SLC4A10: variants seen among roughly 807,000 people sequenced by gnomAD.
SLC4A10 encodes sodium-driven chloride bicarbonate exchanger.
Under a neutral mutation model 137.7 loss-of-function variants are expected in SLC4A10, and 42 were observed. The observed-to-expected ratio is 0.30, with a 90% confidence interval of 0.24 to 0.39. The LOEUF is 0.39. SLC4A10 is among the 10% of genes least tolerant of loss of function. SLC4A10 has a pLI of 1.00. For missense variants in SLC4A10, 925 were observed against 1,355.0 expected (o/e 0.68, Z 4.98); for synonymous variants, 474 against 464.1 (o/e 1.02, Z -0.27).
In SLC4A10 at chr2:161,631,015, C is replaced by A. The variant is rs558562189; in HGVS notation, c.48+6449C>A. The stretch of plus-strand genomic sequence containing the variant: ...AATAAAATATGAAAGTACTCTGATA[C>A]AAGGTGCTATAAAATGTCAGGTCTT... On this transcript the variant is annotated intron_variant, in intron 1 of 26. Coordinates refer to ENST00000446997, the MANE Select transcript of SLC4A10 (RefSeq NM_001178015.2). 4.0e-5 allele frequency among the ~76,000 whole-genome samples: 6 copies of A among 151,816 alleles called. No homozygotes were observed. In the South Asian group the frequency reaches 1.2e-3, roughly 31 times the overall value.
At chr2:161,644,492 A>AAAC (rs56167454) in intron 1 of SLC4A10, among the ~76,000 whole-genome samples, 4 of 151,818 alleles carry the variant, frequency 2.6e-5, no homozygotes, top group African/African-American at 7.3e-5. Context: ...TCAAAAACAA[A>AAAC]AAACTAGTAA....
chr2:161,925,443 T>C (rs1688895079), intron 15 of SLC4A10, among the ~76,000 whole-genome samples: 1 of 152,170 alleles, frequency 6.6e-6, no homozygotes, highest in Non-Finnish European at 1.5e-5. Context: ...CATCTCTCTT[T>C]TCTTCTTTAT....
At chr2:161,650,861 C>T (rs1431442772) in intron 1 of SLC4A10, among the ~76,000 whole-genome samples, 1 of 152,162 alleles carries the variant, frequency 6.6e-6, no homozygotes, top group Non-Finnish European at 1.5e-5. Flanking sequence ...TCAGCAGGAA[C>T]AGCCTGGGCG....
At chr2:161,670,806 C>T (rs1443672975) in intron 1 of SLC4A10, among the ~76,000 whole-genome samples, 1 of 152,012 alleles carries the variant, frequency 6.6e-6, no homozygotes, top group African/African-American at 2.4e-5. Context: ...TTCCTGTAGT[C>T]AGGAAATTAA....
chr2:161,879,049 A>G, intron 8 of SLC4A10, 82 bp from the exon 9 acceptor site: 1 of 1,207,436 alleles, frequency 8.3e-7, no homozygotes, highest in African/African-American at 1.5e-5. Flanking sequence ...ATGGATTACT[A>G]TATGTGAAGC....
At chr2:161,732,358 G>C (rs1241492138) in intron 1 of SLC4A10, among the ~76,000 whole-genome samples, 1 of 152,168 alleles carries the variant, frequency 6.6e-6, no homozygotes, top group African/African-American at 2.4e-5. Flanking sequence ...CATACAAAAA[G>C]ATTCCCCATT....
intron 1 of SLC4A10, among the ~76,000 whole-genome samples, chr2:161,737,192 A>C (rs1269410230): frequency 1.3e-5 from 2 of 152,170 alleles, no homozygotes; most frequent in African/African-American, 4.8e-5. Context: ...TTTTTTACAA[A>C]AGGGTTTTCA....
chr2:161,786,250 CT>C (rs1479652382), intron 2 of SLC4A10, among the ~76,000 whole-genome samples: 1 of 151,504 alleles, frequency 6.6e-6, no homozygotes, highest in Non-Finnish European at 1.5e-5. Flanking sequence ...AACCTATGCT[CT>C]TTTTTGTTTT....
intron 1 of SLC4A10, among the ~76,000 whole-genome samples, chr2:161,718,356 T>C (rs749964339): frequency 1.3e-5 from 2 of 152,152 alleles, no homozygotes; most frequent in African/African-American, 2.4e-5. Context: ...TTGTTTGCTC[T>C]TGGTTCTCTG....
intron 4 of SLC4A10, among the ~76,000 whole-genome samples, chr2:161,850,624 T>C (rs1287436962): frequency 6.6e-6 from 1 of 152,116 alleles, no homozygotes; most frequent in Non-Finnish European, 1.5e-5. Context: ...GTATAGCTAA[T>C]AGTATATCAA....
rs577755183 is a variant in SLC4A10 at position 161,861,125 on chromosome 2, CA to C, written c.578-1744del. 5.9e-5 allele frequency among the ~76,000 whole-genome samples: 9 copies of C among 152,196 alleles called. No individual in the cohort carries two copies. In the South Asian group the frequency reaches 1.2e-3, roughly 21 times the overall value. On this transcript the variant is annotated intron_variant, in intron 5 of 26. Coordinates refer to ENST00000446997, the MANE Select transcript of SLC4A10 (RefSeq NM_001178015.2). Reference sequence around the variant, plus strand: ...AAAATATTTGTTATCTGGCTCTGGACAAAAAGAGCTTGTCTTTCTCTGGTTT... The same window carrying C: ...AAAATATTTGTTATCTGGCTCTGGACAAAAGAGCTTGTCTTTCTCTGGTTT...
At chr2:161,962,163 T>A (rs1696837253) in intron 21 of SLC4A10, among the ~76,000 whole-genome samples, 1 of 152,216 alleles carries the variant, frequency 6.6e-6, no homozygotes, top group African/African-American at 2.4e-5. Flanking sequence ...TGTTTGGCAA[T>A]ATTAAGAAAC....
chr2:161,744,490 T>C (rs2048217034), intron 1 of SLC4A10, among the ~76,000 whole-genome samples: 1 of 152,166 alleles, frequency 6.6e-6, no homozygotes, highest in Non-Finnish European at 1.5e-5. Context: ...TACCAATTGG[T>C]CATGATGGAT....
intron 15 of SLC4A10, among the ~76,000 whole-genome samples, chr2:161,917,962 A>G (rs1055767225): frequency 1.3e-5 from 2 of 152,202 alleles, no homozygotes; most frequent in African/African-American, 2.4e-5. Context: ...TGCTTGCCCA[A>G]GTGAAAGAGC....
At chr2:161,970,002 T>C (rs1698241111) in intron 23 of SLC4A10, among the ~76,000 whole-genome samples, 2 of 152,174 alleles carry the variant, frequency 1.3e-5, no homozygotes. Flanking sequence ...CCTGGCAACC[T>C]AGAATGCAAA....
chr2:161,819,652 A>T (rs902700542), intron 3 of SLC4A10, among the ~76,000 whole-genome samples: 1 of 151,818 alleles, frequency 6.6e-6, no homozygotes, highest in African/African-American at 2.4e-5. Flanking sequence ...CTGCCACCAC[A>T]GCCAGCTAAT....
At chr2:161,744,376 G>A (rs551882911) in intron 1 of SLC4A10, among the ~76,000 whole-genome samples, 5 of 152,110 alleles carry the variant, frequency 3.3e-5, no homozygotes, top group African/African-American at 7.2e-5. Context: ...TTTCAGTATC[G>A]ATTGAAATGA....
At chr2:161,843,794 C>T (rs1012271803) in intron 4 of SLC4A10, among the ~76,000 whole-genome samples, 2 of 152,210 alleles carry the variant, frequency 1.3e-5, no homozygotes, top group South Asian at 4.1e-4. Flanking sequence ...TAATTTTCTA[C>T]CCTCACAGCA....
At chr2:161,791,041 T>C (rs1249000682) in intron 2 of SLC4A10, among the ~76,000 whole-genome samples, 1 of 152,172 alleles carries the variant, frequency 6.6e-6, no homozygotes, top group African/African-American at 2.4e-5. Flanking sequence ...GTTCAACCAT[T>C]GTGGAAGACA....
Sources: gnomAD v4.1 joint callset for allele counts (sites outside exome capture counted in the v4.1 genomes callset) on GRCh38, gnomAD v4.1.1 for gene constraint, MANE v1.5 for transcripts, NCBI Gene and HGNC (gene_info 2026-07-23, HGNC 2026-07-21) for gene names.